Variants in CALHM1 observed in about 807,000 individuals in gnomAD.
The protein encoded by CALHM1 is calcium homeostasis modulator protein 1.
In CALHM1, 11 loss-of-function variants were observed where a neutral mutation model predicts 14.8. That is an observed-to-expected ratio of 0.74 (90% confidence interval 0.47 to 1.23). CALHM1 has a LOEUF of 1.23. Among genes scored for constraint, CALHM1 ranks in the 50% most tolerant of loss-of-function variants. The pLI is 0.00. For synonymous variants in CALHM1, 215 were observed against 218.9 expected, an observed-to-expected ratio of 0.98 and a Z score of 0.16; for missense variants, 458 against 496.4, an observed-to-expected ratio of 0.92 and a Z score of 0.74.
chr10:103,458,318 G>A lies in CALHM1; in HGVS notation c.434C>T (p.Pro145Leu). The change falls in exon 1 of 2, where the codon CCC (proline) becomes CTC (leucine). Residue 145 changes from proline (P) to leucine (L), a missense_variant. Physicochemically the swap from Pro to Leu is moderately conservative, Grantham distance 98. Transcript: ENST00000329905. This position sits in a 1 kb window ranked among gnomAD's most constrained non-coding sequence, Gnocchi z 4.9. The part of the protein sequence containing the change: ...VSALGNGSLA[P>L]GLPAPELARL... Reference sequence around the variant, plus strand: ...GGCGAGCTCGGGGGCAGGAAGGCCGGGTGCCAGGCTGCCGTTGCCCAGTGC... The same window carrying A: ...GGCGAGCTCGGGGGCAGGAAGGCCGAGTGCCAGGCTGCCGTTGCCCAGTGC... 1 of 1,610,960 alleles carries A rather than the reference G, an allele frequency of 6.2e-7. No individual in the cohort carries two copies. Among genetic ancestry groups the A allele is most frequent in the Non-Finnish European group, 8.5e-7 (1 of 1,179,096 alleles).
chr10:103,455,324 A>G lies in CALHM1; in HGVS notation c.979T>C (p.Trp327Arg), dbSNP rs1043595738. The change falls in exon 2 of 2, where the codon TGG (tryptophan) becomes CGG (arginine). Residue 327 changes from tryptophan (W) to arginine (R), a missense_variant. Coordinates refer to ENST00000329905, the MANE Select transcript of CALHM1 (RefSeq NM_001001412.4). ...QEEPPLMGNG[W>R]AGGGPRPPRK... ...GGAGGCCGGGGCCCACCCCCAGCCC[A>G]GCCGTTGCCCATCAGCGGTGGCTCC... The G allele has an allele frequency of 6.2e-7, 1 of 1,613,496 alleles. No individual in the cohort carries two copies.
Position 103,453,320 on chromosome 10 carries a change from C to T in CALHM1, c.*1942G>A, listed in dbSNP as rs556753187. On this transcript the variant is annotated 3_prime_UTR_variant, in exon 2 of 2. Transcript: ENST00000329905. ...TCCCAGATCCTTCCCTAAAAGTTAT[C>T]TTCCTCTATCCTTACCACAATCCTG... is the stretch of plus-strand genomic sequence containing the variant. The T allele has an allele frequency of 3.9e-5, 6 of 152,278 alleles. No homozygotes were observed. The highest frequency in any genetic ancestry group is 7.4e-5 in the Non-Finnish European group (5 of 68,022). 9.4% of individuals were successfully genotyped at this position (152,278 alleles called of 1,614,324 possible).
chr10:103,456,185 T>C (rs1180976550), intron 1 of CALHM1, among the ~76,000 whole-genome samples: 1 of 152,206 alleles, frequency 6.6e-6, no homozygotes, highest in Non-Finnish European at 1.5e-5. Flanking sequence ...ATAAGCTTAG[T>C]GCAGTGCCTG....
chr10:103,455,076 G>C lies in CALHM1; in HGVS notation c.*186C>G. ...GGCCATCCAGGGCAGTGTCACACCT[G>C]AAGGCATCAGATCCCCTTCCAGCTC... On this transcript the variant is annotated 3_prime_UTR_variant, in exon 2 of 2. Coordinates refer to ENST00000329905, the MANE Select transcript of CALHM1 (RefSeq NM_001001412.4). The C allele has an allele frequency of 1.2e-6, 1 of 836,602 alleles. No homozygotes were observed. The highest frequency in any genetic ancestry group is 1.8e-6 in the Non-Finnish European group (1 of 553,486). The allele number at this position is 836,602 out of a possible 1,614,324, so 51.8% of individuals were successfully genotyped here.
chr10:103,456,245 C>T (rs143308078), intron 1 of CALHM1, among the ~76,000 whole-genome samples: 34 of 152,326 alleles, frequency 2.2e-4, no homozygotes, highest in African/African-American at 7.7e-4. Context: ...CCAATAGGCC[C>T]TCACTTACTT....
rs915515012 is a variant in CALHM1, at chr10:103,454,102, G to C, written c.*1160C>G. 8 of 152,250 alleles carry C rather than the reference G, an allele frequency of 5.3e-5. No individual in the cohort carries two copies. Among genetic ancestry groups the C allele is most frequent in the Non-Finnish European group, 1.2e-4 (8 of 68,056 alleles). 9.4% of individuals were successfully genotyped at this position (152,250 alleles called of 1,614,324 possible). ...TGTCTCATCCCTGCCCAGGGGAGGA[G>C]GAAGGAAGTCCTTAGGTTCAGAAAT... On this transcript the variant is annotated 3_prime_UTR_variant, in exon 2 of 2. Coordinates refer to ENST00000329905, the MANE Select transcript of CALHM1 (RefSeq NM_001001412.4).
At position 103,455,255 on chromosome 10, in the gene CALHM1, CCACACCT is replaced by C. The variant is rs1430308831; in HGVS notation, c.1041_*6del. 4.4e-6 allele frequency: 7 copies of C among 1,581,142 alleles called. No individual in the cohort carries two copies. In the African/African-American group the frequency reaches 6.7e-5, roughly 15 times the overall value. ...TCCCCGTTCCTGCCTCTTCAGCTGG[CCACACCT>C]CACACTTTGCTGAAGTAGGTGGCCA... On this transcript the variant is annotated stop_lost and 3_prime_UTR_variant, in exon 2 of 2. Coordinates refer to ENST00000329905, the MANE Select transcript of CALHM1 (RefSeq NM_001001412.4).
At position 103,455,133 on chromosome 10, in the gene CALHM1, G is replaced by T; in HGVS notation, c.*129C>A. The T allele has an allele frequency of 7.5e-7, 1 of 1,331,616 alleles. No individual in the cohort carries two copies. Among genetic ancestry groups the T allele is most frequent in the Non-Finnish European group, 1.0e-6 (1 of 1,002,220 alleles). 82.5% of individuals were successfully genotyped at this position (1,331,616 alleles called of 1,614,324 possible). A position where few individuals can be genotyped will look rare whatever the true frequency, so the allele number is the denominator to read the frequency against. ...TCCTGCCTCCAATGGGCAGGCGAGT[G>T]CTAGGGAGTGTGGATCTGCCTAGGG... On this transcript the variant is annotated 3_prime_UTR_variant, in exon 2 of 2. Coordinates refer to ENST00000329905, the MANE Select transcript of CALHM1 (RefSeq NM_001001412.4).
Position 103,454,785 on chromosome 10 carries a change from C to T in CALHM1, c.*477G>A, listed in dbSNP as rs1449092071. On this transcript the variant is annotated 3_prime_UTR_variant, in exon 2 of 2. Transcript: ENST00000329905. ...GCCCCGGCACACCCAGTCTCACCTA[C>T]GACACGCTTGCCCAAATCAGAGGGC... 4.2e-5 allele frequency: 7 copies of T among 165,606 alleles called. No individual in the cohort carries two copies. Among genetic ancestry groups the T allele is most frequent in the South Asian group, 1.8e-4 (1 of 5,598 alleles). 10.3% of individuals were successfully genotyped at this position (165,606 alleles called of 1,614,324 possible).
chr10:103,455,302 G>A lies in CALHM1; in HGVS notation c.1001C>T (p.Pro334Leu), dbSNP rs1205668481. The stretch of plus-strand genomic sequence containing the variant: ...GTAGGTGGCCACCTCCTTACGCGGA[G>A]GCCGGGGCCCACCCCCAGCCCAGCC... ...GNGWAGGGPR[P>L]PRKEVATYFS... Residue 334 changes from proline (P) to leucine (L), a missense_variant, in exon 2 of 2, where the codon CCT becomes CTT. Coordinates refer to ENST00000329905, the MANE Select transcript of CALHM1 (RefSeq NM_001001412.4). 3 of 1,612,816 alleles carry A rather than the reference G, an allele frequency of 1.9e-6. No individual in the cohort carries two copies. The highest frequency in any genetic ancestry group is 4.5e-5 in the East Asian group (2 of 44,870).
At chr10:103,457,674 C>CAG (rs747110835) in intron 1 of CALHM1, among the ~76,000 whole-genome samples, 46 of 152,284 alleles carry the variant, frequency 3.0e-4, no homozygotes, top group South Asian at 1.2e-3. Context: ...TCTGGCTGAC[C>CAG]CGTCAGTGGT....
intron 1 of CALHM1, among the ~76,000 whole-genome samples, chr10:103,457,313 G>T (rs1387506345): frequency 6.6e-6 from 1 of 152,234 alleles, no homozygotes; most frequent in African/African-American, 2.4e-5. Flanking sequence ...AGGAGGCACA[G>T]GTTAGGGAGG....
chr10:103,458,654 T>G lies in CALHM1; in HGVS notation c.98A>C (p.Gln33Pro). 1 of 1,614,002 alleles carries G rather than the reference T, an allele frequency of 6.2e-7. No homozygotes were observed. The change falls in exon 1 of 2, where the codon CAG becomes CCG. Residue 33 changes from glutamine to proline, a missense_variant. By Grantham distance (76) the Gln-to-Pro change is moderately conservative. Coordinates refer to ENST00000329905, the MANE Select transcript of CALHM1 (RefSeq NM_001001412.4). This position sits in a 1 kb window ranked among gnomAD's most constrained non-coding sequence, Gnocchi z 4.9. ...ICGIMALASA[Q>P]MYSAFDFNCP... ...GTTGAAGTCGAAGGCCGAGTACATCTGGGCACTGGCCAGGGCCATGATGCC... is the reference window on the plus strand; with the variant it reads ...GTTGAAGTCGAAGGCCGAGTACATCGGGGCACTGGCCAGGGCCATGATGCC...
Position 103,458,516 on chromosome 10 carries a change from G to A in CALHM1, c.236C>T (p.Ala79Val), listed in dbSNP as rs201605151. Residue 79 changes from alanine (A) to valine (V), a missense_variant, in exon 1 of 2, where the codon GCC becomes GTC. Transcript: ENST00000329905. This position sits in a 1 kb window ranked among gnomAD's most constrained non-coding sequence, Gnocchi z 4.9. ...LVMNNNVSML[A>V]EEWKRPLGRR... Reference sequence around the variant, plus strand: ...GCCCAGCGGCCGCTTCCACTCTTCGGCCAGCATGGACACGTTGTTGTTCAT... The same window carrying A: ...GCCCAGCGGCCGCTTCCACTCTTCGACCAGCATGGACACGTTGTTGTTCAT... 7.3e-5 allele frequency: 118 copies of A among 1,613,566 alleles called. No homozygotes were observed. The African/African-American group carries it at 1.4e-3, about 20-fold the overall frequency.
In CALHM1 at chr10:103,455,505, T is replaced by C. The variant is rs1350398166; in HGVS notation, c.798A>G (p.Thr266=). Residue 266 remains threonine (T), a synonymous_variant, in exon 2 of 2, where the codon ACA becomes ACG. Transcript: ENST00000329905. The part of the protein sequence containing the change: ...HDLELGHTHG[T]LATAPASAAA... The stretch of plus-strand genomic sequence containing the variant: ...CTGCGGAAGCAGGGGCCGTGGCCAG[T>C]GTCCCGTGGGTGTGACCCAGCTCCA... The C allele has an allele frequency of 3.1e-6, 5 of 1,613,500 alleles. No individual in the cohort carries two copies. In the East Asian group the frequency reaches 8.9e-5, roughly 29 times the overall value.
Position 103,458,633 on chromosome 10 carries a change from A to C in CALHM1, c.119T>G (p.Phe40Cys), listed in dbSNP as rs1189465016. 2 of 1,613,978 alleles carry C rather than the reference A, an allele frequency of 1.2e-6. No individual in the cohort carries two copies. The highest frequency in any genetic ancestry group is 2.2e-5 in the South Asian group (2 of 91,080). Residue 40 changes from phenylalanine to cysteine, a missense_variant, in exon 1 of 2, where the codon TTC becomes TGC. By Grantham distance (205) the Phe-to-Cys change is radical. Coordinates refer to ENST00000329905, the MANE Select transcript of CALHM1 (RefSeq NM_001001412.4). This position sits in a 1 kb window ranked among gnomAD's most constrained non-coding sequence, Gnocchi z 4.9. ...ASAQMYSAFD[F>C]NCPCLPGYNA... is the part of the protein sequence containing the mutation. ...GTAGCCCGGCAGGCAGGGGCAGTTG[A>C]AGTCGAAGGCCGAGTACATCTGGGC... is the stretch of plus-strand genomic sequence containing the variant.
chr10:103,458,341 T>C lies in CALHM1; in HGVS notation c.411A>G (p.Ala137=). 6.2e-7 allele frequency: 1 copy of C among 1,610,912 alleles called. No individual in the cohort carries two copies. The highest frequency in any genetic ancestry group is 1.1e-5 in the South Asian group (1 of 90,902). Reference sequence around the variant, plus strand: ...CGGGTGCCAGGCTGCCGTTGCCCAGTGCGCTCACGGGCACGGCAGTGCAGA... The same window carrying C: ...CGGGTGCCAGGCTGCCGTTGCCCAGCGCGCTCACGGGCACGGCAGTGCAGA... ...CAFCTAVPVS[A]LGNGSLAPGL... is the part of the protein sequence containing the mutation. Residue 137 remains alanine (A), a synonymous_variant, in exon 1 of 2, where the codon GCA becomes GCG. Coordinates refer to ENST00000329905, the MANE Select transcript of CALHM1 (RefSeq NM_001001412.4). This position sits in a 1 kb window ranked among gnomAD's most constrained non-coding sequence, Gnocchi z 4.9.
Position 103,455,381 on chromosome 10 carries a change from TG to T in CALHM1, c.921del (p.His307GlnfsTer16), listed in dbSNP as rs1374989768. On this transcript the variant is annotated frameshift_variant, in exon 2 of 2. Transcript: ENST00000329905. LOFTEE classifies it high-confidence loss of function. ...CCCAGCCGCAGAGGCGGTTTGCATT[TG>T]TGCCAGCTCGTGAGCAGCCTGTTCA... ...GTMNRLLTSWHKCKPPLRLGQ... is the reference protein window; with the variant it reads ...GTMNRLLTSWXKCKPPLRLGQ... 1 of 1,613,940 alleles carries T rather than the reference TG, an allele frequency of 6.2e-7. No individual in the cohort carries two copies. The highest frequency in any genetic ancestry group is 1.1e-5 in the South Asian group (1 of 91,090).
chr10:103,455,528 C>G lies in CALHM1; in HGVS notation c.775G>C (p.Glu259Gln). The part of the protein sequence containing the change: ...QFFEAMNHDL[E>Q]LGHTHGTLAT... ...AGTGTCCCGTGGGTGTGACCCAGCT[C>G]CAGGTCATGGTTCATGGCCTCGAAG... The change falls in exon 2 of 2, where the codon GAG becomes CAG. Residue 259 changes from glutamate (E) to glutamine (Q), a missense_variant. Glu to Gln is a conservative substitution (Grantham distance 29, BLOSUM62 2). Coordinates refer to ENST00000329905, the MANE Select transcript of CALHM1 (RefSeq NM_001001412.4). The G allele has an allele frequency of 6.2e-7, 1 of 1,613,786 alleles. No homozygotes were observed. The highest frequency in any genetic ancestry group is 8.5e-7 in the Non-Finnish European group (1 of 1,179,958).
Sources: gnomAD v4.1 joint callset for allele counts (sites outside exome capture counted in the v4.1 genomes callset) on GRCh38, gnomAD v4.1.1 for gene constraint, Gnocchi (gnomAD v3.1) non-coding constraint, MANE v1.5 for transcripts, NCBI Gene and HGNC (gene_info 2026-07-23, HGNC 2026-07-21) for gene names.